Variants in IGSF10 observed in about 807,000 individuals in gnomAD.
IGSF10 encodes the protein immunoglobulin superfamily member 10.
IGSF10 carries 126 observed loss-of-function variants against 128.2 expected under a neutral mutation model. That is an observed-to-expected ratio of 0.98 (90% CI 0.85 to 1.14). The LOEUF is 1.14. IGSF10 is among the 50% of genes most tolerant of loss of function. The pLI is 0.00. For synonymous variants in IGSF10, 1,185 were observed against 1,146.2 expected, an observed-to-expected ratio of 1.03 and a Z score of -0.68; for missense variants, 3,295 against 3,149.8, an observed-to-expected ratio of 1.05 and a Z score of -1.10.
rs1721279938 is a variant in IGSF10 at position 151,447,687 on chromosome 3, T to C, written c.2294A>G (p.Lys765Arg). The C allele has an allele frequency of 1.2e-6, 2 of 1,614,078 alleles. No individual in the cohort carries two copies. The highest frequency in any genetic ancestry group is 1.1e-5 in the South Asian group (1 of 91,080). ...TTCTCGCTTGTCTGGCATAGCATTCTTTTTAGCTTTCTCCAACAGTGCCGC... is the reference window on the plus strand; with the variant it reads ...TTCTCGCTTGTCTGGCATAGCATTCCTTTTAGCTTTCTCCAACAGTGCCGC... ...HWAALLEKAK[K>R]NAMPDKRENT... Residue 765 changes from lysine to arginine, a missense_variant, in exon 6 of 8, where the codon AAG becomes AGG. By Grantham distance (26) the Lys-to-Arg change is conservative. Coordinates refer to ENST00000282466, the MANE Select transcript of IGSF10 (RefSeq NM_178822.5).
In IGSF10 at chr3:151,448,412, A is replaced by C. The variant is rs1225339553; in HGVS notation, c.1569T>G (p.Ser523Arg). ...TGTCTATTAGGATCCGTCCATCCTC[A>C]CTGACATAAGGGGCTCTCACTTTAC... ...DGSKVRAPYV[S>R]EDGRILIDKS... Residue 523 changes from serine to arginine, a missense_variant, in exon 6 of 8, where the codon AGT becomes AGG. Physicochemically the swap from Ser to Arg is moderately radical, Grantham distance 110. Coordinates refer to ENST00000282466, the MANE Select transcript of IGSF10 (RefSeq NM_178822.5). 4 of 1,614,224 alleles carry C rather than the reference A, an allele frequency of 2.5e-6. No homozygotes were observed. The highest frequency in any genetic ancestry group is 2.2e-5 in the South Asian group (2 of 91,084).
downstream of IGSF10, chr3:151,435,312 G>T (rs1408675140): frequency 6.6e-6 from 1 of 151,216 alleles, no homozygotes; most frequent in Non-Finnish European, 1.5e-5. Context: ...TACACTGTAG[G>T]CTTTTTCTTA....
chr3:151,588,595 C>T, the IGSF10 span, among the ~76,000 whole-genome samples: 5 of 152,234 alleles, frequency 3.3e-5, no homozygotes, highest in African/African-American at 7.2e-5. Context: ...GTTTCTGATA[C>T]GGTGTATACA....
the IGSF10 span, among the ~76,000 whole-genome samples, chr3:151,520,030 T>C: frequency 6.6e-6 from 1 of 151,888 alleles, no homozygotes; most frequent in African/African-American, 2.4e-5. Context: ...ATCCAACTTT[T>C]GGTTCACCAG....
the IGSF10 span, among the ~76,000 whole-genome samples, chr3:151,546,057 GC>G: frequency 3.7e-5 from 5 of 134,540 alleles, no homozygotes; most frequent in African/African-American, 8.6e-5. Context: ...AAAAAAAAAA[GC>G]CTAGCATAAT....
At chr3:151,487,352 C>A in the IGSF10 span, among the ~76,000 whole-genome samples, 1 of 151,928 alleles carries the variant, frequency 6.6e-6, no homozygotes, top group Non-Finnish European at 1.5e-5. Context: ...GCCTACCAAC[C>A]AAAAAAAGTC....
the IGSF10 span, among the ~76,000 whole-genome samples, chr3:151,486,173 G>T: frequency 6.6e-6 from 1 of 152,090 alleles, no homozygotes; most frequent in Non-Finnish European, 1.5e-5. Flanking sequence ...TGCAATCCTA[G>T]TATCTGATAA....
At chr3:151,543,634 C>G in the IGSF10 span, among the ~76,000 whole-genome samples, 4 of 152,142 alleles carry the variant, frequency 2.6e-5, no homozygotes, top group Non-Finnish European at 5.9e-5. Context: ...CTGAGCCAAG[C>G]CCCTGTGCAC....
the IGSF10 span, among the ~76,000 whole-genome samples, chr3:151,563,337 T>C: frequency 4.4e-3 from 662 of 152,168 alleles, 2 homozygotes; most frequent in African/African-American, 0.015. Context: ...ATCAACTAAC[T>C]AGAATAACAA....
At chr3:151,556,626 G>A in the IGSF10 span, among the ~76,000 whole-genome samples, 1 of 152,120 alleles carries the variant, frequency 6.6e-6, no homozygotes, top group African/African-American at 2.4e-5. Flanking sequence ...GTCATGGAAT[G>A]TGTTTCAAAG....
At chr3:151,496,667 G>A in the IGSF10 span, among the ~76,000 whole-genome samples, 24 of 151,138 alleles carry the variant, frequency 1.6e-4, 1 homozygote, top group Admixed American at 1.5e-3. Context: ...ATAGCAGCAT[G>A]ATTTATAATA....
At chr3:151,552,475 G>A in the IGSF10 span, among the ~76,000 whole-genome samples, 1 of 152,014 alleles carries the variant, frequency 6.6e-6, no homozygotes, top group Non-Finnish European at 1.5e-5. Flanking sequence ...ATGAATTTCA[G>A]GAATTTTATT....
chr3:151,589,523 C>G, the IGSF10 span, among the ~76,000 whole-genome samples: 2,464 of 152,272 alleles, frequency 0.016, 21 homozygotes, highest in South Asian at 0.025. Context: ...CTGAGGAAAT[C>G]CATGGTAAAT....
chr3:151,537,104 A>G, the IGSF10 span, among the ~76,000 whole-genome samples: 2 of 152,256 alleles, frequency 1.3e-5, no homozygotes, highest in Admixed American at 6.5e-5. Flanking sequence ...ACTGTGAGGG[A>G]AAAATTTTTG....
the IGSF10 span, among the ~76,000 whole-genome samples, chr3:151,600,043 A>G: frequency 6.6e-6 from 1 of 152,234 alleles, no homozygotes; most frequent in African/African-American, 2.4e-5. Flanking sequence ...AGTTGTCTGT[A>G]TCATTTTCAG....
chr3:151,585,038 G>T, the IGSF10 span, among the ~76,000 whole-genome samples: 1 of 152,136 alleles, frequency 6.6e-6, no homozygotes, highest in Admixed American at 6.5e-5. Flanking sequence ...TTACTGTAAA[G>T]ATTGCAAGCT....
In IGSF10 at chr3:151,436,601, A is replaced by ATTCAT; in HGVS notation, c.*83_*87dup. On this transcript the variant is annotated 3_prime_UTR_variant, in exon 8 of 8. Transcript: ENST00000282466. ...AATTTAATACTGTAAATGTATTCAA[A>ATTCAT]TTCATTTACATGCCTATGGCTGCCT... The ATTCAT allele has an allele frequency of 1.1e-6, 1 of 891,394 alleles. No individual in the cohort carries two copies. Among genetic ancestry groups the ATTCAT allele is most frequent in the Non-Finnish European group, 1.7e-6 (1 of 572,906 alleles). 55.2% of individuals were successfully genotyped at this position (891,394 alleles called of 1,614,324 possible).
the IGSF10 span, among the ~76,000 whole-genome samples, chr3:151,599,604 A>G: frequency 3.3e-5 from 5 of 152,186 alleles, no homozygotes; most frequent in Non-Finnish European, 2.9e-5. Flanking sequence ...CAAATTTTCA[A>G]TGGACTTAAT....
At chr3:151,604,592 AACACACACACACACACACACAC>A in the IGSF10 span, among the ~76,000 whole-genome samples, 24 of 144,586 alleles carry the variant, frequency 1.7e-4, no homozygotes, top group African/African-American at 6.2e-4. Context: ...GTACCAATAT[AACACACACACACACACACACAC>A]ACACACACAC....
Sources: allele counts gnomAD v4.1 joint callset (sites outside exome capture counted in the v4.1 genomes callset), GRCh38; gene constraint gnomAD v4.1.1; transcripts MANE v1.5; gene names NCBI Gene and HGNC (gene_info 2026-07-23, HGNC 2026-07-21).